Variants in THADA observed in about 807,000 individuals in gnomAD.
THADA encodes the protein tRNA (32-2'-O)-methyltransferase regulator THADA.
In THADA, 213 loss-of-function variants were observed where a neutral mutation model predicts 219.8. That is an observed-to-expected ratio of 0.97 (90% CI 0.87 to 1.09). The LOEUF (loss-of-function observed/expected upper bound fraction) is 1.09. Ranked by LOEUF, THADA falls within the 50% of genes least tolerant of loss-of-function variation. The pLI is 0.00. For missense variants in THADA, 2,956 were observed against 2,311.3 expected, an observed-to-expected ratio of 1.28 and a Z score of -5.72; for synonymous variants, 1,018 against 828.9, an observed-to-expected ratio of 1.23 and a Z score of -3.92.
At chr2:43,541,741 G>A (rs1343778952) in intron 20 of THADA, among the ~76,000 whole-genome samples, 1 of 152,030 alleles carries the variant, frequency 6.6e-6, no homozygotes, top group Non-Finnish European at 1.5e-5. Context: ...CAATTCTCTC[G>A]CTTGGGCCTC....
intron 29 of THADA, among the ~76,000 whole-genome samples, chr2:43,362,925 A>C (rs1263141799): frequency 6.6e-6 from 1 of 152,138 alleles, no homozygotes; most frequent in East Asian, 1.9e-4. Context: ...CTAAGACACA[A>C]ACACACACAT....
intron 20 of THADA, among the ~76,000 whole-genome samples, chr2:43,546,301 A>G (rs1323631425): frequency 7.9e-5 from 12 of 152,004 alleles, no homozygotes; most frequent in Middle Eastern, 3.2e-3. Flanking sequence ...TACGTGGTCA[A>G]TTTTGGAATA....
At chr2:43,430,755 A>G in intron 26 of THADA, 1 of 393,262 alleles carries the variant, frequency 2.5e-6, no homozygotes, top group Non-Finnish European at 5.3e-6. Context: ...GGACTGTCCT[A>G]CACATTGTGG....
intron 11 of THADA, among the ~76,000 whole-genome samples, chr2:43,574,095 C>T (rs953486193): frequency 2.0e-5 from 3 of 152,078 alleles, no homozygotes; most frequent in African/African-American, 7.2e-5. Context: ...CCTTGTAATA[C>T]AGGAAAGTTT....
intron 21 of THADA, among the ~76,000 whole-genome samples, chr2:43,539,292 G>A (rs1160278865): frequency 6.6e-6 from 1 of 152,192 alleles, no homozygotes; most frequent in Admixed American, 6.5e-5. Context: ...TGTACCTCAG[G>A]TGTGGCCCAG....
At chr2:43,450,191 A>C (rs1682131566) in intron 26 of THADA, among the ~76,000 whole-genome samples, 1 of 152,198 alleles carries the variant, frequency 6.6e-6, no homozygotes, top group African/African-American at 2.4e-5. Flanking sequence ...AATTTAAGAG[A>C]CTAGCATATT....
chr2:43,515,389 T>C (rs1691596716), intron 22 of THADA, among the ~76,000 whole-genome samples: 1 of 101,550 alleles, frequency 9.8e-6, no homozygotes, highest in South Asian at 2.5e-4. Context: ...TAATATTTTA[T>C]ATATAATATA....
At chr2:43,321,629 C>T (rs1678725114) in intron 30 of THADA, among the ~76,000 whole-genome samples, 1 of 152,190 alleles carries the variant, frequency 6.6e-6, no homozygotes, top group South Asian at 2.1e-4. Context: ...CAGCCTTCCA[C>T]CATGGGATGA....
chr2:43,345,452 G>A (rs911206498), intron 29 of THADA, among the ~76,000 whole-genome samples: 1 of 152,182 alleles, frequency 6.6e-6, no homozygotes, highest in African/African-American at 2.4e-5. Context: ...ACAGGAGAGT[G>A]CACACAAGTC....
chr2:43,247,459 C>T lies in THADA; in HGVS notation c.5297-14577G>A, dbSNP rs113993891. On this transcript the variant is annotated intron_variant, in intron 36 of 37. Coordinates refer to ENST00000405975, the MANE Select transcript of THADA (RefSeq NM_022065.5). The stretch of plus-strand genomic sequence containing the variant: ...TAAAATCACTATTAAAGGCTGGGCA[C>T]GGCCGGGTGAGGTGGCTCATGCCTG... 6.4e-3 allele frequency among the ~76,000 whole-genome samples: 981 copies of T among 152,134 alleles called. 15 individuals carry two copies. The highest frequency in any genetic ancestry group is 0.022 in the African/African-American group (932 of 41,512).
chr2:43,415,893 TC>T (rs34768173), intron 28 of THADA, among the ~76,000 whole-genome samples: 30,572 of 151,958 alleles, frequency 0.2, 3,177 homozygotes, highest in South Asian at 0.31. Flanking sequence ...CTCTCTCTAG[TC>T]AAGCTTTTCT....
intron 28 of THADA, among the ~76,000 whole-genome samples, chr2:43,415,125 A>C (rs1403160446): frequency 6.6e-6 from 1 of 152,216 alleles, no homozygotes; most frequent in East Asian, 1.9e-4. Context: ...AAGAAACGTA[A>C]ACTAATTCAT....
intron 1 of THADA, among the ~76,000 whole-genome samples, chr2:43,593,918 C>G (rs904826166): frequency 1.3e-5 from 2 of 152,146 alleles, no homozygotes; most frequent in African/African-American, 4.8e-5. Flanking sequence ...CAGGCGTGAG[C>G]CACCGCGCCC....
intron 30 of THADA, among the ~76,000 whole-genome samples, chr2:43,342,271 C>A (rs370105104): frequency 6.6e-6 from 1 of 152,116 alleles, no homozygotes; most frequent in African/African-American, 2.4e-5. Flanking sequence ...ATAACTTTAC[C>A]GGCATTTCAG....
chr2:43,588,265 TA>T (rs1237992844), intron 4 of THADA, among the ~76,000 whole-genome samples: 1 of 150,030 alleles, frequency 6.7e-6, no homozygotes, highest in Non-Finnish European at 1.5e-5. Context: ...ATTCAAAGCT[TA>T]ATTCCAGATG....
chr2:43,388,138 C>T (rs1672916766), intron 29 of THADA, among the ~76,000 whole-genome samples: 4 of 152,180 alleles, frequency 2.6e-5, no homozygotes, highest in African/African-American at 4.8e-5. Context: ...TACTTTTGGC[C>T]TATTCCATTT....
chr2:43,239,146 C>G (rs1053879483), intron 36 of THADA, among the ~76,000 whole-genome samples: 2 of 152,142 alleles, frequency 1.3e-5, no homozygotes, highest in African/African-American at 4.8e-5. Flanking sequence ...TAATCTGGTG[C>G]CTTCCATCCT....
intron 29 of THADA, among the ~76,000 whole-genome samples, chr2:43,391,051 G>A (rs192912253): frequency 1.3e-5 from 2 of 152,060 alleles, no homozygotes; most frequent in East Asian, 1.9e-4. Context: ...TAGTGAAATC[G>A]CACAACCCCT....
intron 30 of THADA, among the ~76,000 whole-genome samples, chr2:43,322,876 C>T (rs978957406): frequency 2.0e-5 from 3 of 151,528 alleles, no homozygotes; most frequent in African/African-American, 4.8e-5. Context: ...TTATTAGAGA[C>T]GGGGTTTCAC....
Sources: gnomAD v4.1 joint callset for allele counts (sites outside exome capture counted in the v4.1 genomes callset) on GRCh38, gnomAD v4.1.1 for gene constraint, MANE v1.5 for transcripts, NCBI Gene and HGNC (gene_info 2026-07-23, HGNC 2026-07-21) for gene names.